ALDH18A1: variants seen among roughly 807,000 people sequenced by gnomAD.
The protein encoded by ALDH18A1 is aldehyde dehydrogenase 18 family member A1.
ALDH18A1 carries 44 observed loss-of-function variants against 88.8 expected under a neutral mutation model. The observed-to-expected ratio is 0.50, with a 90% CI of 0.39 to 0.64. The LOEUF is 0.64. Ranked by LOEUF, ALDH18A1 falls within the 30% of genes least tolerant of loss-of-function variation. ALDH18A1 has a pLI of 0.00. For synonymous variants in ALDH18A1, 331 were observed against 372.1 expected (o/e 0.89, Z 1.27); for missense variants, 782 against 1,009.5 (o/e 0.77, Z 3.05).
intron 12 of ALDH18A1, among the ~76,000 whole-genome samples, chr10:95,619,414 T>C (rs2097848764): frequency 6.6e-6 from 1 of 152,226 alleles, no homozygotes; most frequent in African/African-American, 2.4e-5. Context: ...CCAATGACTT[T>C]CTTCACAGAA....
chr10:95,606,354 G>A lies in ALDH18A1; in HGVS notation c.*408C>T, dbSNP rs2097822681. ...CTTTCCTTTTTGAAGATGACTACAT[G>A]TGAAAGAAATAAAATGTGAAAAGAT... On this transcript the variant is annotated 3_prime_UTR_variant, in exon 18 of 18. Transcript: ENST00000371224. 2.3e-5 allele frequency: 23 copies of A among 1,015,918 alleles called. No individual in the cohort carries two copies. Among genetic ancestry groups the A allele is most frequent in the Non-Finnish European group, 2.7e-5 (23 of 847,786 alleles). 62.9% of individuals were successfully genotyped at this position (1,015,918 alleles called of 1,614,324 possible). A position where few individuals can be genotyped will look rare whatever the true frequency, so the allele number is the denominator to read the frequency against.
chr10:95,614,986 A>G (rs1392662816), intron 13 of ALDH18A1, among the ~76,000 whole-genome samples: 1 of 152,192 alleles, frequency 6.6e-6, no homozygotes, highest in African/African-American at 2.4e-5. Flanking sequence ...CGAACAAATG[A>G]CAGGCAACAT....
At chr10:95,645,773 C>T (rs771453495) in intron 2 of ALDH18A1, among the ~76,000 whole-genome samples, 28 of 152,020 alleles carry the variant, frequency 1.8e-4, no homozygotes, top group East Asian at 5.8e-4. Flanking sequence ...ACTGGGATTC[C>T]GATGGCATTG....
chr10:95,638,022 A>T (rs927462888), intron 3 of ALDH18A1, among the ~76,000 whole-genome samples: 3 of 151,714 alleles, frequency 2.0e-5, no homozygotes, highest in African/African-American at 7.3e-5. Context: ...CCTAAGAAAA[A>T]AATTTTTTTA....
rs905973576 is a variant in ALDH18A1 at position 95,611,406 on chromosome 10, G to A, written c.1960C>T (p.Leu654=). The change falls in exon 16 of 18, where the codon CTG becomes TTG. Residue 654 remains leucine, a synonymous_variant. Coordinates refer to ENST00000371224, the MANE Select transcript of ALDH18A1 (RefSeq NM_002860.4). The part of the protein sequence containing the change: ...IHAGPKFASY[L]TFSPSEVKSL... ...TTCACTTCGGAGGGGCTGAAGGTCA[G>A]ATAGGAGGCAAATTTGGGGCCTGCA... 6.2e-7 allele frequency: 1 copy of A among 1,614,240 alleles called. No individual in the cohort carries two copies. The highest frequency in any genetic ancestry group is 8.5e-7 in the Non-Finnish European group (1 of 1,180,036).
intron 12 of ALDH18A1, among the ~76,000 whole-genome samples, chr10:95,620,482 C>T (rs552365757): frequency 2.0e-4 from 31 of 152,282 alleles, no homozygotes; most frequent in Non-Finnish European, 4.0e-4. Flanking sequence ...CACATGCACA[C>T]GTATGTTTAT....
chr10:95,655,724 C>A (rs950578525), intron 1 of ALDH18A1, among the ~76,000 whole-genome samples: 4 of 150,876 alleles, frequency 2.7e-5, no homozygotes, highest in Non-Finnish European at 4.4e-5. Context: ...AGACTCGTGT[C>A]TAGATTTGTG....
intron 17 of ALDH18A1, among the ~76,000 whole-genome samples, chr10:95,609,767 C>CTCTTTTTTTTTTTTTT (rs1193875091): frequency 3.3e-5 from 1 of 30,694 alleles, no homozygotes; most frequent in African/African-American, 8.5e-5. Context: ...AAGTCTGTCT[C>CTCTTTTTTTTTTTTTT]TATTTTTTTT....
chr10:95,642,596 C>G (rs921903322), intron 3 of ALDH18A1, among the ~76,000 whole-genome samples: 2 of 152,220 alleles, frequency 1.3e-5, no homozygotes, highest in Admixed American at 6.5e-5. Flanking sequence ...GCCTGGGTGA[C>G]AGAGTGAGAT....
At chr10:95,629,280 G>A (rs2097864731) in intron 7 of ALDH18A1, among the ~76,000 whole-genome samples, 1 of 152,100 alleles carries the variant, frequency 6.6e-6, no homozygotes, top group South Asian at 2.1e-4. Flanking sequence ...GGGAGGCTGG[G>A]GACTGGCTGA....
intron 2 of ALDH18A1, among the ~76,000 whole-genome samples, chr10:95,645,733 G>T (rs1264199776): frequency 1.3e-5 from 2 of 152,024 alleles, no homozygotes; most frequent in Non-Finnish European, 1.5e-5. Flanking sequence ...CTGGCACAGA[G>T]CTGCTTGGTA....
At chr10:95,626,307 G>C (rs1305747932) in intron 10 of ALDH18A1, among the ~76,000 whole-genome samples, 3 of 152,090 alleles carry the variant, frequency 2.0e-5, no homozygotes, top group Admixed American at 2.0e-4. Context: ...AGCCAGACAG[G>C]TCAGGGCTAC....
At chr10:95,632,138 T>G (rs2097871294) in intron 7 of ALDH18A1, among the ~76,000 whole-genome samples, 1 of 152,184 alleles carries the variant, frequency 6.6e-6, no homozygotes, top group African/African-American at 2.4e-5. Flanking sequence ...GCCACCATAG[T>G]ATATGATGCC....
At chr10:95,646,152 C>T (rs2097900980) in intron 2 of ALDH18A1, among the ~76,000 whole-genome samples, 1 of 152,084 alleles carries the variant, frequency 6.6e-6, no homozygotes, top group Non-Finnish European at 1.5e-5. Context: ...GGCTTTCTGG[C>T]TTTCTCTCCT....
chr10:95,636,401 C>G (rs1335939442), intron 5 of ALDH18A1, among the ~76,000 whole-genome samples: 1 of 151,814 alleles, frequency 6.6e-6, no homozygotes, highest in African/African-American at 2.4e-5. Flanking sequence ...TGTAGTTGTA[C>G]AGTTGATTAA....
At chr10:95,615,694 T>G (rs1260978160) in intron 13 of ALDH18A1, among the ~76,000 whole-genome samples, 1 of 151,920 alleles carries the variant, frequency 6.6e-6, no homozygotes, top group Non-Finnish European at 1.5e-5. Context: ...GGTCACTGAG[T>G]GTGTAATGAG....
At chr10:95,634,718 T>C (rs1355239553) in intron 5 of ALDH18A1, among the ~76,000 whole-genome samples, 1 of 152,238 alleles carries the variant, frequency 6.6e-6, no homozygotes, top group Non-Finnish European at 1.5e-5. Flanking sequence ...TGTGGGCTGG[T>C]AAACAGCTCT....
At position 95,606,523 on chromosome 10, in the gene ALDH18A1, G is replaced by A; in HGVS notation, c.*239C>T. The A allele has an allele frequency of 7.3e-7, 1 of 1,371,600 alleles. No homozygotes were observed. The highest frequency in any genetic ancestry group is 1.5e-5 in the South Asian group (1 of 64,918). 85.0% of individuals were successfully genotyped at this position (1,371,600 alleles called of 1,614,324 possible). On this transcript the variant is annotated 3_prime_UTR_variant, in exon 18 of 18. Transcript: ENST00000371224. Reference sequence around the variant, plus strand: ...CAATCCTAGAAGATAATTGGACTTGGCAAAGTCCCTATCGGTAGCAACTAT... The same window carrying A: ...CAATCCTAGAAGATAATTGGACTTGACAAAGTCCCTATCGGTAGCAACTAT...
At chr10:95,627,631 T>C (rs757125937) in intron 8 of ALDH18A1, 45 bp from the exon 9 acceptor site, 1 of 1,609,538 alleles carries the variant, frequency 6.2e-7, no homozygotes, top group South Asian at 1.1e-5. Context: ...TTCAGACCTA[T>C]TCACCCACAT....
Sources: allele counts gnomAD v4.1 joint callset (sites outside exome capture counted in the v4.1 genomes callset), GRCh38; gene constraint gnomAD v4.1.1; transcripts MANE v1.5; gene names NCBI Gene and HGNC (gene_info 2026-07-23, HGNC 2026-07-21).